SLC25A24: variants seen among roughly 807,000 people sequenced by gnomAD.
SLC25A24 encodes the protein mitochondrial adenyl nucleotide antiporter SLC25A24.
In SLC25A24, 49 loss-of-function variants were observed where a neutral mutation model predicts 60.7. The observed-to-expected ratio is 0.81, with a 90% CI of 0.64 to 1.02. The LOEUF (loss-of-function observed/expected upper bound fraction) is 1.02. SLC25A24 is among the 50% of genes least tolerant of loss of function. SLC25A24 has a pLI of 0.00. For synonymous variants in SLC25A24, 202 were observed against 200.6 expected (o/e 1.01, Z -0.06); for missense variants, 564 against 586.3 (o/e 0.96, Z 0.39).
At chr1:108,152,145 T>C (rs1404436348) in intron 6 of SLC25A24, among the ~76,000 whole-genome samples, 2 of 152,308 alleles carry the variant, frequency 1.3e-5, no homozygotes, top group East Asian at 3.9e-4. Context: ...GATGCTACAA[T>C]AGCCCCTACC....
chr1:108,150,703 T>C (rs927864977), intron 6 of SLC25A24, among the ~76,000 whole-genome samples: 1 of 152,140 alleles, frequency 6.6e-6, no homozygotes, highest in East Asian at 1.9e-4. Flanking sequence ...GAGTTCTTCT[T>C]GTAATCAAAG....
chr1:108,136,797 G>A lies in SLC25A24; in HGVS notation c.1290C>T (p.Leu430=). 3 of 1,614,102 alleles carry A rather than the reference G, an allele frequency of 1.9e-6. No individual in the cohort carries two copies. The highest frequency in any genetic ancestry group is 2.2e-5 in the South Asian group (2 of 91,088). ...CTTCTTTGGAAATAATTCGTCGAAA[G>A]AGGCCAACCATATTCAGCTGTGGGG... ...EGSPQLNMVG[L]FRRIISKEGI... Residue 430 remains leucine, a synonymous_variant, in exon 10 of 10, where the codon CTC becomes CTT. Transcript: ENST00000565488.
At position 108,157,501 on chromosome 1, in the gene SLC25A24, T is replaced by G. The variant is rs762877111; in HGVS notation, c.630A>C (p.Thr210=). 36 of 1,614,050 alleles carry G rather than the reference T, an allele frequency of 2.2e-5. No individual in the cohort carries two copies. The highest frequency in any genetic ancestry group is 3.0e-5 in the Non-Finnish European group (35 of 1,180,028). Reference sequence around the variant, plus strand: ...TCAGACGGTCCAAAGGGGCAGTGCTTGTTCGAGAGACAGCACCAGCAATGC... The same window carrying G: ...TCAGACGGTCCAAAGGGGCAGTGCTGGTTCGAGAGACAGCACCAGCAATGC... The part of the protein sequence containing the change: ...AGGIAGAVSR[T]STAPLDRLKI... Residue 210 remains threonine (T), a synonymous_variant, in exon 5 of 10, where the codon ACA becomes ACC. Transcript: ENST00000565488.
intron 1 of SLC25A24, among the ~76,000 whole-genome samples, chr1:108,187,927 G>GAGATATATATAT (rs1553256780): frequency 2.1e-5 from 2 of 95,748 alleles, no homozygotes; most frequent in Admixed American, 1.1e-4. Context: ...AGACATTATA[G>GAGATATATATAT]ATATATATAT....
chr1:108,193,492 T>C (rs888191149), intron 1 of SLC25A24, among the ~76,000 whole-genome samples: 1 of 140,326 alleles, frequency 7.1e-6, no homozygotes, highest in Non-Finnish European at 1.6e-5. Flanking sequence ...TGCATTCATA[T>C]TGCTGCAAAG....
chr1:108,138,591 C>A (rs924261850), intron 9 of SLC25A24, among the ~76,000 whole-genome samples: 1 of 152,012 alleles, frequency 6.6e-6, no homozygotes, highest in African/African-American at 2.4e-5. Context: ...GTAGGGTCTA[C>A]GCAACACTAA....
intron 6 of SLC25A24, among the ~76,000 whole-genome samples, chr1:108,152,202 A>C (rs1679775099): frequency 6.6e-6 from 1 of 152,084 alleles, no homozygotes; most frequent in African/African-American, 2.4e-5. Flanking sequence ...GCCCCTGTTT[A>C]TCTGTCCAGC....
Position 108,159,633 on chromosome 1 carries a change from C to T in SLC25A24, c.510+1549G>A, listed in dbSNP as rs568365813. The stretch of plus-strand genomic sequence containing the variant: ...TGCGGCCTTCCGCAGTGTTTGTGTC[C>T]CTGGGTACTTGAGATTAGGGAGTGG... On this transcript the variant is annotated intron_variant, in intron 4 of 9. Transcript: ENST00000565488. Among the ~76,000 whole-genome samples, 6 of 151,650 alleles carry T rather than the reference C, an allele frequency of 4.0e-5. No individual in the cohort carries two copies. In the South Asian group the frequency reaches 1.0e-3, roughly 26 times the overall value.
intron 3 of SLC25A24, among the ~76,000 whole-genome samples, chr1:108,169,697 C>T (rs1473232682): frequency 2.0e-5 from 3 of 152,068 alleles, no homozygotes; most frequent in South Asian, 2.1e-4. Context: ...CTGGGGCTAA[C>T]GTTTTGTTTA....
At chr1:108,197,708 A>G (rs1648535686) in intron 1 of SLC25A24, among the ~76,000 whole-genome samples, 3 of 152,232 alleles carry the variant, frequency 2.0e-5, no homozygotes, top group Non-Finnish European at 2.9e-5. Flanking sequence ...TCAGTAAACC[A>G]ATTAAAGAAG....
intron 9 of SLC25A24, 113 bp downstream of exon 9, chr1:108,138,945 T>A: frequency 2.7e-6 from 3 of 1,099,084 alleles, no homozygotes; most frequent in South Asian, 2.4e-5. Context: ...GAAAAAAAGG[T>A]TGAGAAATAC....
intron 6 of SLC25A24, among the ~76,000 whole-genome samples, chr1:108,148,996 T>C (rs1679682419): frequency 1.3e-5 from 2 of 152,194 alleles, no homozygotes; most frequent in African/African-American, 2.4e-5. Flanking sequence ...TTGGACCAAG[T>C]TGCTCCTTTG....
chr1:108,176,585 C>A (rs542654024), intron 3 of SLC25A24, among the ~76,000 whole-genome samples: 1 of 152,052 alleles, frequency 6.6e-6, no homozygotes, highest in Non-Finnish European at 1.5e-5. Context: ...TACAATCAAA[C>A]TATCAAAAAT....
chr1:108,182,101 T>G (rs1188284729), intron 2 of SLC25A24, 73 bp from the exon 3 acceptor site: 13 of 1,032,466 alleles, frequency 1.3e-5, no homozygotes, highest in Non-Finnish European at 1.8e-5. Flanking sequence ...GAATTTCAAA[T>G]CTCTCATTTA....
intron 6 of SLC25A24, among the ~76,000 whole-genome samples, chr1:108,153,845 C>A (rs1378294013): frequency 6.6e-6 from 1 of 152,126 alleles, no homozygotes. Context: ...TGGACTTTTT[C>A]AAAAATACCA....
In SLC25A24 at chr1:108,148,194, T is replaced by G. The variant is rs1571281335; in HGVS notation, c.930+85A>C. The G allele has an allele frequency of 1.1e-5, 9 of 855,708 alleles. No individual in the cohort carries two copies. The East Asian group carries it at 2.2e-4, about 21-fold the overall frequency. 53.0% of individuals were successfully genotyped at this position (855,708 alleles called of 1,614,324 possible). The stretch of plus-strand genomic sequence containing the variant: ...GCGATGATAAATGCTTGTTTTAAAC[T>G]GTTAATTTTGGGATAACTTGTTAGA... On this transcript the variant is annotated intron_variant, in intron 7 of 9. Transcript: ENST00000565488.
At chr1:108,176,096 T>C (rs2101632739) in intron 3 of SLC25A24, among the ~76,000 whole-genome samples, 1 of 151,528 alleles carries the variant, frequency 6.6e-6, no homozygotes, top group Admixed American at 6.6e-5. Flanking sequence ...CTCAGCAAAC[T>C]TCAAGAAAAT....
Position 108,187,929 on chromosome 1 carries a change from T to TAG in SLC25A24, c.184-1976_184-1975insCT, listed in dbSNP as rs1225496682. On this transcript the variant is annotated intron_variant, in intron 1 of 9. Coordinates refer to ENST00000565488, the MANE Select transcript of SLC25A24 (RefSeq NM_013386.5). ...CACGAAATGGATAAGACATTATAGA[T>TAG]ATATATATATATATATTCATGCACT... Among the ~76,000 whole-genome samples, 52 of 132,664 alleles carry TAG rather than the reference T, an allele frequency of 3.9e-4. 5 individuals carry two copies. Among genetic ancestry groups the TAG allele is most frequent in the East Asian group, 1.4e-3 (6 of 4,438 alleles). 87.0% of individuals were successfully genotyped at this position (132,664 alleles called of 152,430 possible). A position where few individuals can be genotyped will look rare whatever the true frequency, so the allele number is the denominator to read the frequency against.
chr1:108,170,016 ATTCT>A (rs1244246487), intron 3 of SLC25A24, among the ~76,000 whole-genome samples: 1 of 151,920 alleles, frequency 6.6e-6, no homozygotes, highest in African/African-American at 2.4e-5. Context: ...TTTGCTATAT[ATTCT>A]TTATTATCTC....
Sources: allele counts gnomAD v4.1 joint callset (sites outside exome capture counted in the v4.1 genomes callset), GRCh38; gene constraint gnomAD v4.1.1; transcripts MANE v1.5; gene names NCBI Gene and HGNC (gene_info 2026-07-23, HGNC 2026-07-21).